SLC44A1: variants seen among roughly 807,000 people sequenced by gnomAD.
SLC44A1 encodes the protein solute carrier family 44 member 1.
A neutral mutation model predicts 79.3 loss-of-function variants in SLC44A1; 26 were observed. That is an observed-to-expected ratio of 0.33 (90% CI 0.24 to 0.46). SLC44A1 has a LOEUF of 0.46. Among genes scored for constraint, SLC44A1 ranks in the 20% least tolerant of loss-of-function variants. SLC44A1 has a pLI of 1.00. For synonymous variants in SLC44A1, 263 were observed against 286.2 expected, an observed-to-expected ratio of 0.92 and a Z score of 0.82; for missense variants, 688 against 798.1, an observed-to-expected ratio of 0.86 and a Z score of 1.66.
intron 1 of SLC44A1, among the ~76,000 whole-genome samples, chr9:105,257,115 A>G (rs1406550456): frequency 1.4e-5 from 2 of 145,082 alleles, no homozygotes; most frequent in Non-Finnish European, 3.0e-5. Flanking sequence ...GTTTTCTTTG[A>G]GACGGAGTTT....
At chr9:105,275,936 C>T (rs994440728) in intron 1 of SLC44A1, among the ~76,000 whole-genome samples, 3 of 151,916 alleles carry the variant, frequency 2.0e-5, no homozygotes, top group Non-Finnish European at 4.4e-5. Context: ...TCCCTAGTAG[C>T]GGGGATTACA....
chr9:105,420,649 G>A (rs1829234090), intron 15 of SLC44A1, among the ~76,000 whole-genome samples: 1 of 151,974 alleles, frequency 6.6e-6, no homozygotes, highest in Admixed American at 6.6e-5. Context: ...ATCACCTGAG[G>A]TTGGGAGTTC....
intron 2 of SLC44A1, among the ~76,000 whole-genome samples, chr9:105,304,944 GTTTTTTTT>G (rs10589897): frequency 6.0e-4 from 12 of 20,088 alleles, no homozygotes; most frequent in African/African-American, 1.4e-3. Context: ...ACTTTCTATC[GTTTTTTTT>G]TTTTTTTTTT....
intron 1 of SLC44A1, among the ~76,000 whole-genome samples, chr9:105,287,753 C>T (rs956165936): frequency 6.6e-6 from 1 of 152,192 alleles, no homozygotes; most frequent in Admixed American, 6.5e-5. Flanking sequence ...TTTCCCTCTC[C>T]ATACCTGTTT....
rs1828717471 is a variant in SLC44A1 at position 105,389,793 on chromosome 9, C to T, written c.*737C>T. 1.5e-6 allele frequency: 2 copies of T among 1,334,674 alleles called. No homozygotes were observed. The highest frequency in any genetic ancestry group is 3.7e-5 in the Admixed American group (1 of 26,864). 82.7% of individuals were successfully genotyped at this position (1,334,674 alleles called of 1,614,324 possible). On this transcript the variant is annotated 3_prime_UTR_variant, in exon 16 of 16. Coordinates refer to ENST00000374720, the MANE Select transcript of SLC44A1 (RefSeq NM_080546.5). ...AACTTTTCCCTTATATTTTGTCTTT[C>T]TTTCCTTTTTGACTTTAGTAGCATC...
rs1347718897 is a variant in SLC44A1 at position 105,390,347 on chromosome 9, T to TA, written c.*1298dup. 2.0e-5 allele frequency: 19 copies of TA among 948,848 alleles called. No homozygotes were observed. The highest frequency in any genetic ancestry group is 4.2e-5 in the African/African-American group (2 of 48,192). The allele number at this position is 948,848 out of a possible 1,614,324, so 58.8% of individuals were successfully genotyped here. On this transcript the variant is annotated 3_prime_UTR_variant, in exon 16 of 16. Coordinates refer to ENST00000374720, the MANE Select transcript of SLC44A1 (RefSeq NM_080546.5). ...TAACTCCTTTTTGTTACAATTTTTT[T>TA]AAAAAAAGCTATTTTTGTTAATGTA...
chr9:105,383,868 A>G (rs1362167020), intron 14 of SLC44A1, among the ~76,000 whole-genome samples: 1 of 152,240 alleles, frequency 6.6e-6, no homozygotes, highest in East Asian at 1.9e-4. Flanking sequence ...GGTAGAGTGT[A>G]TAGTTATTTA....
chr9:105,362,486 TG>T (rs1403142262), intron 8 of SLC44A1, among the ~76,000 whole-genome samples: 1 of 152,160 alleles, frequency 6.6e-6, no homozygotes, highest in Non-Finnish European at 1.5e-5. Context: ...ACCTCGTTTT[TG>T]TGGTGTATCT....
intron 1 of SLC44A1, among the ~76,000 whole-genome samples, chr9:105,268,353 C>T (rs1271247930): frequency 2.0e-5 from 3 of 152,146 alleles, no homozygotes; most frequent in Non-Finnish European, 4.4e-5. Flanking sequence ...TATTCTCCCA[C>T]CTGCTTCGTA....
chr9:105,331,223 T>C (rs1051781377), intron 3 of SLC44A1, among the ~76,000 whole-genome samples: 1 of 152,206 alleles, frequency 6.6e-6, no homozygotes, highest in African/African-American at 2.4e-5. Flanking sequence ...ACATGGGCTC[T>C]CCACCTTGGA....
At chr9:105,385,273 A>G (rs1564043043) in intron 14 of SLC44A1, 149 bp from the exon 15 acceptor site, 1 of 595,704 alleles carries the variant, frequency 1.7e-6, no homozygotes, top group Middle Eastern at 4.4e-4. Context: ...AGCAACTCTC[A>G]TGTGTGATAC....
intron 2 of SLC44A1, among the ~76,000 whole-genome samples, chr9:105,301,031 A>G (rs138562116): frequency 6.6e-6 from 1 of 152,228 alleles, no homozygotes; most frequent in East Asian, 1.9e-4. Flanking sequence ...CGGCCTCCCA[A>G]AGTGCTGGGA....
At chr9:105,310,694 G>T (rs531341137) in intron 3 of SLC44A1, among the ~76,000 whole-genome samples, 1 of 152,282 alleles carries the variant, frequency 6.6e-6, no homozygotes, top group South Asian at 2.1e-4. Context: ...TTTCCAGGAA[G>T]GTGGTATGTA....
At chr9:105,438,295 A>G in exon 16 of SLC44A1, 1 of 1,550,326 alleles carries the variant, frequency 6.5e-7, no homozygotes, top group Non-Finnish European at 8.7e-7. Flanking sequence ...AGAAAAGGTG[A>G]CTGGTCTCAT....
At chr9:105,409,298 T>C (rs1229015600) in intron 15 of SLC44A1, among the ~76,000 whole-genome samples, 6 of 152,138 alleles carry the variant, frequency 3.9e-5, no homozygotes, top group South Asian at 2.1e-4. Flanking sequence ...TATAGAAATA[T>C]CAGACAAAAC....
intron 3 of SLC44A1, among the ~76,000 whole-genome samples, chr9:105,323,049 T>C (rs2131335174): frequency 6.8e-6 from 1 of 147,636 alleles, no homozygotes; most frequent in Non-Finnish European, 1.5e-5. Context: ...ACCCCGTCTA[T>C]TAAAAAAAAA....
At chr9:105,319,957 A>G (rs1826333765) in intron 3 of SLC44A1, among the ~76,000 whole-genome samples, 1 of 152,228 alleles carries the variant, frequency 6.6e-6, no homozygotes, top group Admixed American at 6.5e-5. Flanking sequence ...TGCATCCTCC[A>G]TCACAATCCA....
intron 3 of SLC44A1, among the ~76,000 whole-genome samples, chr9:105,327,064 A>G (rs979927920): frequency 6.6e-6 from 1 of 152,094 alleles, no homozygotes; most frequent in Admixed American, 6.5e-5. Flanking sequence ...CTTTCCACCT[A>G]TGTATAATCA....
In SLC44A1 at chr9:105,244,794, GC is replaced by G. The variant is rs937418072; in HGVS notation, c.-73del. Reference sequence around the variant, plus strand: ...CAGGCCGCGCCCTCCCCGGGCGCCCGCCGGCTCGCATGCCGAGGGGCTCCGG... The same window carrying G: ...CAGGCCGCGCCCTCCCCGGGCGCCCGCGGCTCGCATGCCGAGGGGCTCCGG... On this transcript the variant is annotated 5_prime_UTR_variant, in exon 1 of 16. Coordinates refer to ENST00000374720, the MANE Select transcript of SLC44A1 (RefSeq NM_080546.5). The G allele has an allele frequency of 1.4e-5, 14 of 968,110 alleles. No homozygotes were observed. The African/African-American group carries it at 2.3e-4, about 16-fold the overall frequency. The allele number at this position is 968,110 out of a possible 1,614,324, so 60.0% of individuals were successfully genotyped here. A position where few individuals can be genotyped will look rare whatever the true frequency, so the allele number is the denominator to read the frequency against.
Sources: gnomAD v4.1 joint callset for allele counts (sites outside exome capture counted in the v4.1 genomes callset) on GRCh38, gnomAD v4.1.1 for gene constraint, MANE v1.5 for transcripts, NCBI Gene and HGNC (gene_info 2026-07-23, HGNC 2026-07-21) for gene names.